RAB11FIP3: variants seen among roughly 807,000 people sequenced by gnomAD.
RAB11FIP3 encodes the protein RAB11 family interacting protein 3.
RAB11FIP3 carries 17 observed loss-of-function variants against 77.8 expected under a neutral mutation model. The observed-to-expected ratio is 0.22, with a 90% CI of 0.15 to 0.33. The LOEUF is 0.33. Among genes scored for constraint, RAB11FIP3 ranks in the 10% least tolerant of loss-of-function variants. The pLI, the probability that RAB11FIP3 is intolerant of heterozygous loss-of-function variation, is 1.00. For synonymous variants in RAB11FIP3, 437 were observed against 448.2 expected, an observed-to-expected ratio of 0.98 and a Z score of 0.31; for missense variants, 1,005 against 1,011.2, an observed-to-expected ratio of 0.99 and a Z score of 0.08.
chr16:469,420 G>T (rs1456573312), intron 2 of RAB11FIP3, among the ~76,000 whole-genome samples: 1 of 151,056 alleles, frequency 6.6e-6, no homozygotes, highest in African/African-American at 2.4e-5. Context: ...TATGAGACAG[G>T]GACTCACTTT....
At chr16:451,834 C>T (rs188774398) in intron 1 of RAB11FIP3, among the ~76,000 whole-genome samples, 1 of 149,654 alleles carries the variant, frequency 6.7e-6, no homozygotes, top group African/African-American at 2.5e-5. Context: ...GACTCTCTCT[C>T]AAAAACAAAC....
chr16:515,923 G>A (rs1365024543), intron 9 of RAB11FIP3, among the ~76,000 whole-genome samples: 2 of 152,168 alleles, frequency 1.3e-5, no homozygotes, highest in Non-Finnish European at 2.9e-5. Flanking sequence ...AGGAGGAATC[G>A]GGACTGCAGG....
chr16:477,676 G>C (rs1567380201), intron 3 of RAB11FIP3: 1 of 985,434 alleles, frequency 1.0e-6, no homozygotes, highest in South Asian at 4.7e-5. Context: ...ACGAGAGCTG[G>C]GGTTTCTTAC....
At chr16:509,796 T>C (rs2141879244) in intron 8 of RAB11FIP3, among the ~76,000 whole-genome samples, 1 of 152,190 alleles carries the variant, frequency 6.6e-6, no homozygotes, top group South Asian at 2.1e-4. Context: ...GGCCCGGATG[T>C]GCCCAGCTGC....
intron 5 of RAB11FIP3, among the ~76,000 whole-genome samples, chr16:491,593 T>A (rs747054685): frequency 6.6e-6 from 1 of 152,228 alleles, no homozygotes; most frequent in Non-Finnish European, 1.5e-5. Flanking sequence ...TGAGACAGAA[T>A]TGGGAAAGTT....
chr16:459,124 C>CTTTT (rs577962652), intron 1 of RAB11FIP3, among the ~76,000 whole-genome samples: 2 of 135,570 alleles, frequency 1.5e-5, no homozygotes, highest in Non-Finnish European at 3.2e-5. Context: ...AGTGTTCAAA[C>CTTTT]TTTTTTTTTT....
At chr16:437,334 C>T (rs140907491) in intron 1 of RAB11FIP3, among the ~76,000 whole-genome samples, 2,157 of 149,418 alleles carry the variant, frequency 0.014, 61 homozygotes, top group African/African-American at 0.05. Flanking sequence ...TTTGGGAGGC[C>T]GAGGCGGGCG....
chr16:450,636 C>T (rs2055391768), intron 1 of RAB11FIP3, among the ~76,000 whole-genome samples: 1 of 152,134 alleles, frequency 6.6e-6, no homozygotes, highest in African/African-American at 2.4e-5. Context: ...CGAATGAGGG[C>T]CCCACTTCTC....
chr16:482,134 G>A (rs56203111), intron 3 of RAB11FIP3, among the ~76,000 whole-genome samples: 20 of 104,066 alleles, frequency 1.9e-4, no homozygotes, highest in East Asian at 3.2e-4. Flanking sequence ...GCTGGGACCT[G>A]CAGGCAGGTG....
At chr16:473,437 GT>G (rs1382661172) in intron 3 of RAB11FIP3, among the ~76,000 whole-genome samples, 1 of 152,128 alleles carries the variant, frequency 6.6e-6, no homozygotes, top group African/African-American at 2.4e-5. Context: ...ATGATTATTT[GT>G]TTTGTTTTGT....
chr16:471,451 T>C lies in RAB11FIP3; in HGVS notation c.903+62T>C. 1 of 1,362,198 alleles carries C rather than the reference T, an allele frequency of 7.3e-7. No homozygotes were observed. The highest frequency in any genetic ancestry group is 1.0e-6 in the Non-Finnish European group (1 of 971,378). 84.4% of individuals were successfully genotyped at this position (1,362,198 alleles called of 1,614,324 possible). On this transcript the variant is annotated intron_variant, in intron 3 of 13. Coordinates refer to ENST00000262305, the MANE Select transcript of RAB11FIP3 (RefSeq NM_014700.4). The surrounding 1 kb of genome is among the most constrained non-coding windows in gnomAD (Gnocchi z 4.4). ...GGCATCCACCTCTTCCTTTATGCCCTACAGCTCGTGCCTCCTGCCTCCGGG... is the reference window on the plus strand; with the variant it reads ...GGCATCCACCTCTTCCTTTATGCCCCACAGCTCGTGCCTCCTGCCTCCGGG...
chr16:473,562 G>A (rs1245957625), intron 3 of RAB11FIP3, among the ~76,000 whole-genome samples: 1 of 152,062 alleles, frequency 6.6e-6, no homozygotes, highest in African/African-American at 2.4e-5. Context: ...AGCCTTTCCA[G>A]TGGCTGGGAC....
intron 1 of RAB11FIP3, among the ~76,000 whole-genome samples, chr16:458,950 G>A (rs183941807): frequency 8.5e-5 from 13 of 152,232 alleles, no homozygotes; most frequent in Admixed American, 4.6e-4. Context: ...TCACAGCAAC[G>A]TGCAGGCATG....
At chr16:443,235 G>C (rs1433282569) in intron 1 of RAB11FIP3, among the ~76,000 whole-genome samples, 1 of 152,232 alleles carries the variant, frequency 6.6e-6, no homozygotes, top group East Asian at 1.9e-4. Context: ...CATTTGGAAC[G>C]GGTAAATCAA....
At chr16:485,666 C>T (rs1428639894) in intron 4 of RAB11FIP3, among the ~76,000 whole-genome samples, 1 of 152,248 alleles carries the variant, frequency 6.6e-6, no homozygotes, top group African/African-American at 2.4e-5. Context: ...CCACGTTGGC[C>T]TCCCAAAGTG....
rs139014072 is a variant in RAB11FIP3 at position 490,196 on chromosome 16, T to C, written c.1265+1196T>C. Among the ~76,000 whole-genome samples, 24 of 152,380 alleles carry C rather than the reference T, an allele frequency of 1.6e-4. No individual in the cohort carries two copies. In the East Asian group the frequency reaches 4.4e-3, roughly 28 times the overall value. On this transcript the variant is annotated intron_variant, in intron 5 of 13. Transcript: ENST00000262305. ...TTTCTTTACTTGAGCTTCCAAATGGTTTCCCACAGCATGTGGGTCCCAGCG... is the reference window on the plus strand; with the variant it reads ...TTTCTTTACTTGAGCTTCCAAATGGCTTCCCACAGCATGTGGGTCCCAGCG...
At chr16:516,746 G>A (rs1057453410) in intron 9 of RAB11FIP3, among the ~76,000 whole-genome samples, 6 of 152,152 alleles carry the variant, frequency 3.9e-5, no homozygotes, top group East Asian at 1.9e-4. Flanking sequence ...GCGCGGTGGC[G>A]GCCGCCCGTA....
intron 4 of RAB11FIP3, among the ~76,000 whole-genome samples, chr16:486,343 C>T (rs1046695257): frequency 6.6e-6 from 1 of 152,088 alleles, no homozygotes; most frequent in Admixed American, 6.6e-5. Context: ...AATACAAAAA[C>T]TAGCTGGGCC....
intron 1 of RAB11FIP3, among the ~76,000 whole-genome samples, chr16:441,651 C>T (rs1465858847): frequency 1.3e-5 from 2 of 152,238 alleles, no homozygotes; most frequent in East Asian, 1.9e-4. Context: ...AGCTGCTCCT[C>T]TGGCTGGAGC....
Sources: gnomAD v4.1 joint callset for allele counts (sites outside exome capture counted in the v4.1 genomes callset) on GRCh38, gnomAD v4.1.1 for gene constraint, Gnocchi (gnomAD v3.1) non-coding constraint, MANE v1.5 for transcripts, NCBI Gene and HGNC (gene_info 2026-07-23, HGNC 2026-07-21) for gene names.